ACTR3C: variants seen among roughly 807,000 people sequenced by gnomAD.
ACTR3C encodes actin-related protein 3C.
In ACTR3C, 18 loss-of-function variants were observed where a neutral mutation model predicts 26.3. The observed-to-expected ratio is 0.68, with a 90% CI of 0.47 to 1.01. The LOEUF (loss-of-function observed/expected upper bound fraction) is 1.01, where lower values mean the gene tolerates loss of function less well. Among genes scored for constraint, ACTR3C ranks in the 50% least tolerant of loss-of-function variants. The pLI, the probability that ACTR3C is intolerant of heterozygous loss-of-function variation, is 0.00. For synonymous variants in ACTR3C, 55 were observed against 94.5 expected (o/e 0.58, Z 2.42); for missense variants, 184 against 250.7 (o/e 0.73, Z 1.80).
the ACTR3C span, among the ~76,000 whole-genome samples, chr7:150,113,506 A>G: frequency 6.6e-6 from 1 of 152,204 alleles, no homozygotes; most frequent in African/African-American, 2.4e-5. Flanking sequence ...AATTGCACTG[A>G]AGCCCCAGGC....
the ACTR3C span, among the ~76,000 whole-genome samples, chr7:150,196,469 T>C: frequency 6.6e-6 from 1 of 152,232 alleles, no homozygotes; most frequent in Non-Finnish European, 1.5e-5. Context: ...GTTGCTGCAA[T>C]AGCCCATTTG....
the ACTR3C span, among the ~76,000 whole-genome samples, chr7:149,961,079 AGT>A: frequency 6.6e-6 from 1 of 152,120 alleles, no homozygotes. Context: ...GCTCACAGAA[AGT>A]GTATACTCAC....
At chr7:150,239,635 A>G (rs1462371939), downstream of ACTR3C, among the ~76,000 whole-genome samples, 2 of 147,456 alleles carry the variant, frequency 1.4e-5, no homozygotes, top group Admixed American at 6.7e-5. Context: ...AAAGTCATTG[A>G]GGCTCTTTTT....
the ACTR3C span, among the ~76,000 whole-genome samples, chr7:149,918,336 T>C: frequency 6.6e-6 from 1 of 152,192 alleles, no homozygotes; most frequent in African/African-American, 2.4e-5. Flanking sequence ...TTTCACTCTT[T>C]CCCAAAGCCC....
chr7:150,011,739 A>G, the ACTR3C span, among the ~76,000 whole-genome samples: 1 of 152,162 alleles, frequency 6.6e-6, no homozygotes, highest in Non-Finnish European at 1.5e-5. Flanking sequence ...AACTTCTGGG[A>G]CTCGACATAA....
the ACTR3C span, among the ~76,000 whole-genome samples, chr7:149,922,201 C>G: frequency 2.2e-5 from 3 of 136,980 alleles, no homozygotes; most frequent in African/African-American, 7.5e-5. Context: ...CCCACTAATT[C>G]TACTAAATCC....
At chr7:149,891,536 C>T in the ACTR3C span, 20 of 241,714 alleles carry the variant, frequency 8.3e-5, no homozygotes, top group East Asian at 7.1e-4. Flanking sequence ...AACAATGACA[C>T]GGAGGCAGGC....
the ACTR3C span, among the ~76,000 whole-genome samples, chr7:150,149,105 A>G: frequency 1.5e-5 from 2 of 135,238 alleles, no homozygotes; most frequent in African/African-American, 6.0e-5. Flanking sequence ...ATATATATAT[A>G]TATATATATA....
chr7:150,023,338 C>CATACATACATAGATAT, the ACTR3C span, among the ~76,000 whole-genome samples: 1 of 46,054 alleles, frequency 2.2e-5, no homozygotes, highest in African/African-American at 7.2e-5. Context: ...TACATACATA[C>CATACATACATAGATAT]ATATATATTT....
chr7:150,103,347 G>T, the ACTR3C span, among the ~76,000 whole-genome samples: 1 of 152,144 alleles, frequency 6.6e-6, no homozygotes, highest in African/African-American at 2.4e-5. Flanking sequence ...GTAAAACAAG[G>T]TTCCCAGCTT....
the ACTR3C span, among the ~76,000 whole-genome samples, chr7:150,079,867 T>C: frequency 6.6e-6 from 1 of 152,244 alleles, no homozygotes; most frequent in South Asian, 2.1e-4. Context: ...CCCCAAATCC[T>C]CCTCCTTTCA....
the ACTR3C span, among the ~76,000 whole-genome samples, chr7:150,035,516 C>CGCGTCGCG: frequency 8.0e-6 from 1 of 124,390 alleles, no homozygotes; most frequent in African/African-American, 3.1e-5. Flanking sequence ...TCTCAGTCCC[C>CGCGTCGCG]ACTCTCGTGG....
At chr7:149,965,976 C>T in the ACTR3C span, among the ~76,000 whole-genome samples, 1 of 152,212 alleles carries the variant, frequency 6.6e-6, no homozygotes, top group Non-Finnish European at 1.5e-5. Flanking sequence ...CACTGACGAA[C>T]TGCCTGGTTT....
At chr7:150,291,994 A>G (rs1005287197) in intron 3 of ACTR3C, among the ~76,000 whole-genome samples, 6 of 151,262 alleles carry the variant, frequency 4.0e-5, no homozygotes, top group Non-Finnish European at 5.9e-5. Flanking sequence ...CCCATCGACC[A>G]TTAAGCCTTT....
At chr7:150,094,657 C>A in the ACTR3C span, among the ~76,000 whole-genome samples, 8 of 150,484 alleles carry the variant, frequency 5.3e-5, 1 homozygote, top group African/African-American at 2.0e-4. Flanking sequence ...TTCAATCCAG[C>A]AACAGCCTCA....
At chr7:150,047,113 G>A in the ACTR3C span, among the ~76,000 whole-genome samples, 1 of 151,712 alleles carries the variant, frequency 6.6e-6, no homozygotes, top group South Asian at 2.1e-4. Context: ...ACGAAGGAGA[G>A]GCATTTGAGT....
the ACTR3C span, among the ~76,000 whole-genome samples, chr7:150,137,048 G>A: frequency 6.6e-6 from 1 of 152,178 alleles, no homozygotes; most frequent in African/African-American, 2.4e-5. Context: ...AGAATCGAAT[G>A]CCACCCCTGA....
At chr7:150,037,512 G>A in the ACTR3C span, among the ~76,000 whole-genome samples, 63 of 52,168 alleles carry the variant, frequency 1.2e-3, 12 homozygotes, top group South Asian at 6.3e-3. Context: ...AGAGGGGATA[G>A]CTCTCAGTCC....
the ACTR3C span, among the ~76,000 whole-genome samples, chr7:150,206,041 G>A: frequency 1.3e-5 from 2 of 152,142 alleles, no homozygotes; most frequent in African/African-American, 4.8e-5. Flanking sequence ...GAAGTAAATG[G>A]AAGTAAAGAC....
Sources: allele counts gnomAD v4.1 joint callset (sites outside exome capture counted in the v4.1 genomes callset), GRCh38; gene constraint gnomAD v4.1.1; transcripts MANE v1.5; gene names NCBI Gene and HGNC (gene_info 2026-07-23, HGNC 2026-07-21).